VMA21: variants seen among roughly 807,000 people sequenced by gnomAD.
The protein encoded by VMA21 is vacuolar ATPase assembly integral membrane protein VMA21.
For missense variants in VMA21, 61 were observed against 80.6 expected (o/e 0.76, Z 0.93); for synonymous variants, 47 against 34.1 (o/e 1.38, Z -1.32).
chrX:151,396,626 T>G, upstream of VMA21: 1 of 342,030 alleles, frequency 2.9e-6, no homozygotes, highest in East Asian at 4.6e-5. Context: ...AACTCTGACA[T>G]TCTCTAGTTT....
At chrX:151,397,197 C>T (rs1288325112), upstream of VMA21, 196 of 913,558 alleles carry the variant, frequency 2.1e-4, 2 homozygotes, top group East Asian at 7.3e-3. Flanking sequence ...ACTTCCGGCG[C>T]GAACCGCTAC....
rs751132488 is a variant in VMA21 at position 151,406,323 on chromosome X, G to A, written c.*1265G>A. The A allele has an allele frequency of 9.0e-6, 1 of 111,331 alleles. No homozygotes were observed. The highest frequency in any genetic ancestry group is 1.9e-5 in the Non-Finnish European group (1 of 52,961). 9.2% of individuals were successfully genotyped at this position (111,331 alleles called of 1,213,427 possible). A position where few individuals can be genotyped will look rare whatever the true frequency, so the allele number is the denominator to read the frequency against. On this transcript the variant is annotated 3_prime_UTR_variant, in exon 3 of 3. Transcript: ENST00000330374. ...TGCCAGCTTTTCCTGACAGCTATTT[G>A]CATTTTTTTCAGATGAGTGATTATT...
At chrX:151,404,409 ATGTTTGTT>A (rs760438578) in intron 2 of VMA21, among the ~76,000 whole-genome samples, 2 of 109,451 alleles carry the variant, frequency 1.8e-5, no homozygotes, top group Admixed American at 1.9e-4. Context: ...GTTTAAAACA[ATGTTTGTT>A]TGTTTGTTTG....
upstream of VMA21, chrX:151,396,820 A>G: frequency 2.0e-6 from 1 of 511,036 alleles, no homozygotes; most frequent in South Asian, 2.5e-5. Flanking sequence ...TCTGGCTGGT[A>G]GTCCCTCTTC....
Position 151,402,969 on chromosome X carries a change from C to T in VMA21, c.54-662C>T, listed in dbSNP as rs184398185. 4.0e-3 allele frequency among the ~76,000 whole-genome samples: 445 copies of T among 111,257 alleles called. 2 individuals carry two copies. The highest frequency in any genetic ancestry group is 0.014 in the African/African-American group (419 of 30,543). On this transcript the variant is annotated intron_variant, in intron 1 of 2. Coordinates refer to ENST00000330374, the MANE Select transcript of VMA21 (RefSeq NM_001017980.4). ...CTCCACCTGTGGTGCCTGCCGAGTT[C>T]CCTGGTCTGGTGTCCGGTGCTGGTG...
At position 151,405,004 on chromosome X, in the gene VMA21, G is replaced by A. The variant is rs748982102; in HGVS notation, c.252G>A (p.Val84=). Residue 84 remains valine (V), a synonymous_variant, in exon 3 of 3, where the codon GTG becomes GTA. Transcript: ENST00000330374. The part of the protein sequence containing the change: ...VAVHVVLALF[V]YVAWNEGSRQ... The stretch of plus-strand genomic sequence containing the variant: ...TCCATGTGGTGCTGGCCCTCTTTGT[G>A]TATGTGGCCTGGAATGAAGGCTCAC... 17 of 1,209,153 alleles carry A rather than the reference G, an allele frequency of 1.4e-5. No individual in the cohort carries two copies. The Admixed American group carries it at 3.3e-4, about 23-fold the overall frequency.
upstream of VMA21, chrX:151,397,067 G>A (rs946528869): frequency 8.6e-6 from 4 of 466,999 alleles, no homozygotes; most frequent in African/African-American, 7.4e-5. Context: ...GGTAAGTCAT[G>A]TGAGCGCCCG....
chrX:151,396,916 G>A (rs1341433312), upstream of VMA21: 2 of 524,462 alleles, frequency 3.8e-6, no homozygotes, highest in Non-Finnish European at 7.0e-6. Context: ...GAGTTCAGGG[G>A]GCGGCGTAGC....
intron 1 of VMA21, among the ~76,000 whole-genome samples, chrX:151,399,186 G>C (rs1336780718): frequency 8.9e-6 from 1 of 112,185 alleles, no homozygotes; most frequent in Non-Finnish European, 1.9e-5. Flanking sequence ...TCACATTTTT[G>C]AAGTTTGAGG....
upstream of VMA21, chrX:151,397,154 C>T (rs1266011533): frequency 6.2e-6 from 3 of 486,957 alleles, no homozygotes; most frequent in Non-Finnish European, 6.0e-6. Context: ...GCCCGCCGCC[C>T]GGCGCGAACG....
upstream of VMA21, chrX:151,396,648 G>A (rs2011191034): frequency 2.7e-6 from 1 of 374,553 alleles, no homozygotes; most frequent in East Asian, 4.2e-5. Flanking sequence ...ACGGACTCGG[G>A]TGAGTGTTTT....
intron 1 of VMA21, among the ~76,000 whole-genome samples, chrX:151,401,046 G>T (rs1311767885): frequency 2.7e-5 from 3 of 112,151 alleles, no homozygotes; most frequent in African/African-American, 6.5e-5. Flanking sequence ...TTTGATGCAA[G>T]CCGCTTTATT....
intron 1 of VMA21, among the ~76,000 whole-genome samples, chrX:151,401,048 C>T (rs2011233041): frequency 8.9e-6 from 1 of 112,032 alleles, no homozygotes; most frequent in Non-Finnish European, 1.9e-5. Context: ...TGATGCAAGC[C>T]GCTTTATTTT....
chrX:151,397,368 C>T lies in VMA21; in HGVS notation c.53+7C>T, dbSNP rs2011201603. 1.7e-6 allele frequency: 2 copies of T among 1,160,119 alleles called. No homozygotes were observed. The highest frequency in any genetic ancestry group is 2.6e-5 in the Admixed American group (1 of 38,745). ...TGCAGCCTCCTGAGTTCAGGTAGCCCTGAGCGGGGCCTGGACCGCGAGGCG... is the reference window on the plus strand; with the variant it reads ...TGCAGCCTCCTGAGTTCAGGTAGCCTTGAGCGGGGCCTGGACCGCGAGGCG... On this transcript the variant is annotated splice_region_variant and intron_variant, in intron 1 of 2. Coordinates refer to ENST00000330374, the MANE Select transcript of VMA21 (RefSeq NM_001017980.4).
In VMA21 at chrX:151,404,852, T is replaced by G. The variant is rs189904013; in HGVS notation, c.164-64T>G. On this transcript the variant is annotated intron_variant, in intron 2 of 2. Transcript: ENST00000330374. The stretch of plus-strand genomic sequence containing the variant: ...CATCATAAAAATTAGGATGCTTTGT[T>G]TTTTTTTTTTGTACTTTGGTAAATT... The G allele has an allele frequency of 4.5e-3, 4,894 of 1,080,060 alleles. 82 individuals are homozygous for G. The African/African-American group carries it at 0.069, about 15-fold the overall frequency. The allele number at this position is 1,080,060 out of a possible 1,213,427, so 89.0% of individuals were successfully genotyped here.
intron 1 of VMA21, among the ~76,000 whole-genome samples, chrX:151,402,687 C>T (rs950354503): frequency 5.3e-5 from 6 of 112,760 alleles, no homozygotes; most frequent in Admixed American, 2.8e-4. Flanking sequence ...CTGGGGAGGG[C>T]GCACTGGTCC....
chrX:151,403,903 T>C (rs1312984635), intron 2 of VMA21, among the ~76,000 whole-genome samples, 163 bp downstream of exon 2: 1 of 111,848 alleles, frequency 8.9e-6, no homozygotes, highest in East Asian at 2.8e-4. Flanking sequence ...AACTTATTGT[T>C]TCAGCTTGAC....
At chrX:151,396,858 G>A (rs176451), upstream of VMA21, 2 of 519,320 alleles carry the variant, frequency 3.9e-6, no homozygotes, top group East Asian at 3.6e-5. Flanking sequence ...GTCTCCTTGC[G>A]GCCCCCAGCT....
chrX:151,405,951 T>G lies in VMA21; in HGVS notation c.*893T>G, dbSNP rs961839257. On this transcript the variant is annotated 3_prime_UTR_variant, in exon 3 of 3. Coordinates refer to ENST00000330374, the MANE Select transcript of VMA21 (RefSeq NM_001017980.4). ...AGTGGAAACAATCTGGAAAACATTT[T>G]TTTTTCATCCAAAAAGTATTCTCCT... 19 of 111,916 alleles carry G rather than the reference T, an allele frequency of 1.7e-4. 1 individual carries two copies. In the Admixed American group the frequency reaches 1.8e-3, roughly 11 times the overall value. The allele number at this position is 111,916 out of a possible 1,213,427, so 9.2% of individuals were successfully genotyped here. A position where few individuals can be genotyped will look rare whatever the true frequency, so the allele number is the denominator to read the frequency against.
Sources: allele counts gnomAD v4.1 joint callset (sites outside exome capture counted in the v4.1 genomes callset), GRCh38; gene constraint gnomAD v4.1.1; transcripts MANE v1.5; gene names NCBI Gene and HGNC (gene_info 2026-07-23, HGNC 2026-07-21).